Variants in FBXL7 observed in about 807,000 individuals in gnomAD.
FBXL7 encodes the protein F-box/LRR-repeat protein 7.
FBXL7 carries 12 observed loss-of-function variants against 38.3 expected under a neutral mutation model. The observed-to-expected ratio is 0.31, with a 90% CI of 0.20 to 0.51. The LOEUF (loss-of-function observed/expected upper bound fraction) is 0.51. FBXL7 is among the 20% of genes least tolerant of loss of function. The pLI is 0.98. For missense variants in FBXL7, 567 were observed against 676.4 expected (o/e 0.84, Z 1.79); for synonymous variants, 297 against 300.9 (o/e 0.99, Z 0.13).
rs141037202 is a variant in FBXL7 at position 15,831,277 on chromosome 5, A to T, written c.128-96613A>T. Among the ~76,000 whole-genome samples, 41 of 152,224 alleles carry T rather than the reference A, an allele frequency of 2.7e-4. 2 individuals carry two copies. In the East Asian group the frequency reaches 8.0e-3, roughly 30 times the overall value. On this transcript the variant is annotated intron_variant, in intron 2 of 3. Transcript: ENST00000504595. ...AGGGAGTAGACAAGGCATTTTTCAG[A>T]TCTTACGACATGCCAGTTTCTGCAT... is the stretch of plus-strand genomic sequence containing the variant.
intron 2 of FBXL7, among the ~76,000 whole-genome samples, chr5:15,794,935 A>G (rs1283546608): frequency 6.6e-6 from 1 of 152,248 alleles, no homozygotes; most frequent in Non-Finnish European, 1.5e-5. Flanking sequence ...TGTGGGAAAT[A>G]CTTTTCAACT....
chr5:15,621,510 A>C (rs1456794329), intron 2 of FBXL7, among the ~76,000 whole-genome samples: 1 of 152,220 alleles, frequency 6.6e-6, no homozygotes, highest in African/African-American at 2.4e-5. Context: ...CATGGTTGGA[A>C]TAGAGCACAC....
intron 2 of FBXL7, among the ~76,000 whole-genome samples, chr5:15,687,770 G>A (rs1743060008): frequency 6.6e-6 from 1 of 152,224 alleles, no homozygotes; most frequent in African/African-American, 2.4e-5. Context: ...AAGATCAGTA[G>A]TTATTTGGGT....
At chr5:15,614,565 C>T (rs1472891049) in intron 1 of FBXL7, among the ~76,000 whole-genome samples, 2 of 152,220 alleles carry the variant, frequency 1.3e-5, no homozygotes. Flanking sequence ...CCACCGCGCC[C>T]ATCCAGCAGT....
chr5:15,886,791 G>C (rs1207390367), intron 2 of FBXL7, among the ~76,000 whole-genome samples: 1 of 152,214 alleles, frequency 6.6e-6, no homozygotes, highest in African/African-American at 2.4e-5. Context: ...GTTTGCCCAA[G>C]TGTTTGCATG....
intron 2 of FBXL7, among the ~76,000 whole-genome samples, chr5:15,686,568 T>C (rs1743023207): frequency 6.6e-6 from 1 of 152,214 alleles, no homozygotes; most frequent in Non-Finnish European, 1.5e-5. Flanking sequence ...TCTCTCTGTA[T>C]AGCCCTGAAC....
intron 2 of FBXL7, among the ~76,000 whole-genome samples, chr5:15,740,840 C>T (rs1265829272): frequency 6.6e-6 from 1 of 152,130 alleles, no homozygotes; most frequent in Non-Finnish European, 1.5e-5. Flanking sequence ...TAGACATAGG[C>T]ACAGTTGTCA....
chr5:15,876,520 C>G (rs1561167723), intron 2 of FBXL7, among the ~76,000 whole-genome samples: 2 of 152,154 alleles, frequency 1.3e-5, no homozygotes, highest in Non-Finnish European at 1.5e-5. Context: ...TGATTTTGCA[C>G]TCAGTAAGGG....
At chr5:15,839,314 T>C (rs1291790705) in intron 2 of FBXL7, among the ~76,000 whole-genome samples, 1 of 152,156 alleles carries the variant, frequency 6.6e-6, no homozygotes, top group Non-Finnish European at 1.5e-5. Context: ...TTCTCTCCCC[T>C]GACATCAAGG....
At chr5:15,787,592 A>G (rs1401678754) in intron 2 of FBXL7, among the ~76,000 whole-genome samples, 1 of 152,214 alleles carries the variant, frequency 6.6e-6, no homozygotes, top group Non-Finnish European at 1.5e-5. Flanking sequence ...GAGAGCCTGA[A>G]TTCAGTCAAA....
intron 2 of FBXL7, among the ~76,000 whole-genome samples, chr5:15,817,294 GCTAA>G (rs1057245843): frequency 6.6e-6 from 1 of 151,676 alleles, no homozygotes; most frequent in African/African-American, 2.4e-5. Context: ...CATGACTTTT[GCTAA>G]CTTTTTTTTT....
chr5:15,727,509 G>GT (rs1025101086), intron 2 of FBXL7, among the ~76,000 whole-genome samples: 17 of 151,948 alleles, frequency 1.1e-4, no homozygotes, highest in South Asian at 2.1e-4. Context: ...TTTTTGTTTT[G>GT]TTTTTTAGTT....
intron 2 of FBXL7, among the ~76,000 whole-genome samples, chr5:15,806,983 T>C (rs2126748010): frequency 6.6e-6 from 1 of 152,182 alleles, no homozygotes; most frequent in African/African-American, 2.4e-5. Flanking sequence ...GGAGTTTCGC[T>C]CTTGTTGCCC....
chr5:15,516,773 C>T (rs949454648), intron 1 of FBXL7, among the ~76,000 whole-genome samples: 5 of 152,044 alleles, frequency 3.3e-5, no homozygotes, highest in East Asian at 3.9e-4. Context: ...CGAGATCTGA[C>T]GGTTTTATAA....
intron 2 of FBXL7, among the ~76,000 whole-genome samples, chr5:15,698,531 A>G (rs1399552738): frequency 1.3e-5 from 2 of 152,226 alleles, no homozygotes; most frequent in Non-Finnish European, 2.9e-5. Flanking sequence ...CTATTTTTGT[A>G]ATGTAGAACA....
intron 2 of FBXL7, among the ~76,000 whole-genome samples, chr5:15,647,798 A>G (rs144256216): frequency 1.3e-5 from 2 of 152,372 alleles, no homozygotes; most frequent in African/African-American, 2.4e-5. Context: ...CTACAACTCA[A>G]GTAGGCAATA....
intron 2 of FBXL7, among the ~76,000 whole-genome samples, chr5:15,624,049 A>G (rs1740731389): frequency 6.6e-6 from 1 of 152,190 alleles, no homozygotes; most frequent in African/African-American, 2.4e-5. Context: ...ATCAAAGTAT[A>G]TTTTTACTGT....
chr5:15,681,833 A>G (rs1198623787), intron 2 of FBXL7, among the ~76,000 whole-genome samples: 1 of 152,212 alleles, frequency 6.6e-6, no homozygotes, highest in African/African-American at 2.4e-5. Context: ...GGAATACGTC[A>G]AATAAGAACA....
intron 3 of FBXL7, among the ~76,000 whole-genome samples, chr5:15,934,135 G>C (rs1359626309): frequency 6.6e-6 from 1 of 152,048 alleles, no homozygotes; most frequent in Non-Finnish European, 1.5e-5. Flanking sequence ...CTCCCAAATA[G>C]CTGGGATTAC....
Sources: allele counts gnomAD v4.1 joint callset (sites outside exome capture counted in the v4.1 genomes callset), GRCh38; gene constraint gnomAD v4.1.1; transcripts MANE v1.5; gene names NCBI Gene and HGNC (gene_info 2026-07-23, HGNC 2026-07-21).